The following ADGRG5 variants were observed in gnomAD, a reference collection of about 807,000 sequenced individuals.
The protein encoded by ADGRG5 is G protein-coupled receptor 114.
A neutral mutation model predicts 53.2 loss-of-function variants in ADGRG5; 37 were observed. The ratio of observed to expected loss-of-function variants is 0.70; its 90% CI spans 0.53 to 0.91. The LOEUF is 0.91. Ranked by LOEUF, ADGRG5 falls within the 40% of genes least tolerant of loss-of-function variation. ADGRG5 has a pLI of 0.00. For synonymous variants in ADGRG5, 277 were observed against 290.4 expected (o/e 0.95, Z 0.47); for missense variants, 614 against 675.8 (o/e 0.91, Z 1.01).
At position 57,575,575 on chromosome 16, in the gene ADGRG5, G is replaced by T; in HGVS notation, c.*37G>T. The stretch of plus-strand genomic sequence containing the variant: ...TGGCCTGGAATCCTCAGCCTCTCTG[G>T]CCGCCAGTAGCCTGAGGCTACGGCT... On this transcript the variant is annotated 3_prime_UTR_variant, in exon 12 of 12. Coordinates refer to ENST00000349457, the MANE Select transcript of ADGRG5 (RefSeq NM_001304376.3). 6.6e-7 allele frequency: 1 copy of T among 1,520,750 alleles called. No homozygotes were observed. 94.2% of individuals were successfully genotyped at this position (1,520,750 alleles called of 1,614,324 possible). A position where few individuals can be genotyped will look rare whatever the true frequency, so the allele number is the denominator to read the frequency against.
chr16:57,534,020 C>G, the ADGRG5 span, among the ~76,000 whole-genome samples: 2 of 152,226 alleles, frequency 1.3e-5, no homozygotes, highest in African/African-American at 4.8e-5. Flanking sequence ...TGTCCTGCCT[C>G]CCAACAGCCA....
intron 10 of ADGRG5, among the ~76,000 whole-genome samples, chr16:57,572,941 C>T (rs574215851): frequency 1.3e-5 from 2 of 152,312 alleles, no homozygotes; most frequent in East Asian, 3.9e-4. Flanking sequence ...GGCTCAGGCT[C>T]TGGGCCTGGG....
chr16:57,572,774 A>G (rs554039314), intron 10 of ADGRG5, among the ~76,000 whole-genome samples: 1 of 152,378 alleles, frequency 6.6e-6, no homozygotes, highest in East Asian at 1.9e-4. Context: ...ACTGCAGTAG[A>G]GCTGCCCCCG....
chr16:57,563,005 C>G, intron 3 of ADGRG5, 86 bp from the exon 4 acceptor site: 1 of 1,414,522 alleles, frequency 7.1e-7, no homozygotes, highest in African/African-American at 1.4e-5. Context: ...GTGGGGAGGC[C>G]CTGCCCTCCC....
chr16:57,541,774 T>A (rs963998050), upstream of ADGRG5, among the ~76,000 whole-genome samples: 6 of 151,570 alleles, frequency 4.0e-5, no homozygotes, highest in Admixed American at 3.3e-4. Context: ...TTACCAACAC[T>A]CTCTCTCTAT....
intron 9 of ADGRG5, among the ~76,000 whole-genome samples, chr16:57,568,650 C>T (rs1288849396): frequency 1.3e-5 from 2 of 151,694 alleles, no homozygotes; most frequent in Non-Finnish European, 2.9e-5. Context: ...CCTTCACCAC[C>T]ACCATCATCT....
rs1240167264 is a variant in ADGRG5, at chr16:57,552,966, CAG to C, written c.-38-9089_-38-9088del. Among the ~76,000 whole-genome samples the C allele has an allele frequency of 6.6e-5, 10 of 152,092 alleles. No homozygotes were observed. In the East Asian group the frequency reaches 1.7e-3, roughly 26 times the overall value. On this transcript the variant is annotated intron_variant, in intron 1 of 11. Coordinates refer to ENST00000349457, the MANE Select transcript of ADGRG5 (RefSeq NM_001304376.3). ...GGAGGCCCAAGAAGAGGGAGGGAGA[CAG>C]GGGAACAGCTAGTTGGTGGAGCAGT...
chr16:57,535,952 C>A, the ADGRG5 span, among the ~76,000 whole-genome samples: 1 of 152,176 alleles, frequency 6.6e-6, no homozygotes, highest in Non-Finnish European at 1.5e-5. Flanking sequence ...CCTTAGTCCT[C>A]ACTTAGTCGA....
the ADGRG5 span, among the ~76,000 whole-genome samples, chr16:57,532,929 A>C: frequency 0.021 from 3,163 of 152,264 alleles, 47 homozygotes; most frequent in Non-Finnish European, 0.03. Context: ...GCAGCCGCTG[A>C]ACTAGGAGCC....
chr16:57,557,068 C>G (rs2032901141), intron 1 of ADGRG5, among the ~76,000 whole-genome samples: 1 of 151,954 alleles, frequency 6.6e-6, no homozygotes, highest in Admixed American at 6.6e-5. Flanking sequence ...TGCCACCATG[C>G]CTGACTAAGT....
chr16:57,541,882 G>A (rs1184860753), upstream of ADGRG5, among the ~76,000 whole-genome samples: 4 of 152,224 alleles, frequency 2.6e-5, no homozygotes, highest in African/African-American at 4.8e-5. Context: ...GGAGAAGCTG[G>A]CCAGCTTTCC....
the ADGRG5 span, among the ~76,000 whole-genome samples, chr16:57,533,555 G>A: frequency 7.4e-6 from 1 of 134,764 alleles, no homozygotes; most frequent in Non-Finnish European, 1.6e-5. Context: ...CACCCCCAGG[G>A]ACCTGCACTC....
chr16:57,575,587 C>A lies in ADGRG5; in HGVS notation c.*49C>A. 2 of 1,468,482 alleles carry A rather than the reference C, an allele frequency of 1.4e-6. No homozygotes were observed. The highest frequency in any genetic ancestry group is 1.4e-5 in the African/African-American group (1 of 72,108). 91.0% of individuals were successfully genotyped at this position (1,468,482 alleles called of 1,614,324 possible). A position where few individuals can be genotyped will look rare whatever the true frequency, so the allele number is the denominator to read the frequency against. ...CTCAGCCTCTCTGGCCGCCAGTAGCCTGAGGCTACGGCTCCTGCTAGAGAG... is the reference window on the plus strand; with the variant it reads ...CTCAGCCTCTCTGGCCGCCAGTAGCATGAGGCTACGGCTCCTGCTAGAGAG... On this transcript the variant is annotated 3_prime_UTR_variant, in exon 12 of 12. Coordinates refer to ENST00000349457, the MANE Select transcript of ADGRG5 (RefSeq NM_001304376.3).
chr16:57,538,539 G>C (rs1398358933), upstream of ADGRG5, among the ~76,000 whole-genome samples: 3 of 152,132 alleles, frequency 2.0e-5, no homozygotes, highest in Non-Finnish European at 4.4e-5. Flanking sequence ...TAACTGGCCC[G>C]GGGTCACCCT....
intron 4 of ADGRG5, 77 bp downstream of exon 4, chr16:57,563,324 T>C: frequency 3.1e-6 from 4 of 1,308,036 alleles, no homozygotes; most frequent in Non-Finnish European, 4.4e-6. Context: ...GTCTGGACTT[T>C]CTTTAGGCTC....
the ADGRG5 span, among the ~76,000 whole-genome samples, chr16:57,536,348 A>C: frequency 6.6e-6 from 1 of 152,062 alleles, no homozygotes; most frequent in Non-Finnish European, 1.5e-5. Flanking sequence ...TTCTGCTCTG[A>C]GTTCGGGGGT....
At chr16:57,531,599 C>T in the ADGRG5 span, among the ~76,000 whole-genome samples, 1 of 152,170 alleles carries the variant, frequency 6.6e-6, no homozygotes, top group Non-Finnish European at 1.5e-5. Context: ...TGTGTCATTA[C>T]CAATACTGAT....
intron 7 of ADGRG5, 79 bp downstream of exon 7, chr16:57,566,830 G>A: frequency 7.9e-7 from 1 of 1,264,070 alleles, no homozygotes; most frequent in Non-Finnish European, 1.0e-6. Flanking sequence ...AAAAGCTGGT[G>A]CAAGGGACAG....
rs2033463390 is a variant in ADGRG5, at chr16:57,574,740, G to A, written c.1209-75G>A. The A allele has an allele frequency of 5.5e-6, 8 of 1,451,786 alleles. No individual in the cohort carries two copies. In the South Asian group the frequency reaches 9.6e-5, roughly 17 times the overall value. The allele number at this position is 1,451,786 out of a possible 1,614,324, so 89.9% of individuals were successfully genotyped here. ...GGCCTGAGCCAGGAGACCGAGTGGG[G>A]CTTCAGGGAGTGATGCTGGCCTCCC... On this transcript the variant is annotated intron_variant, in intron 10 of 11. Coordinates refer to ENST00000349457, the MANE Select transcript of ADGRG5 (RefSeq NM_001304376.3). The surrounding 1 kb of genome is among the most constrained non-coding windows in gnomAD (Gnocchi z 4.4).
Sources: gnomAD v4.1 joint callset for allele counts (sites outside exome capture counted in the v4.1 genomes callset) on GRCh38, gnomAD v4.1.1 for gene constraint, Gnocchi (gnomAD v3.1) non-coding constraint, MANE v1.5 for transcripts, NCBI Gene and HGNC (gene_info 2026-07-23, HGNC 2026-07-21) for gene names.